MSRA: variants seen among roughly 807,000 people sequenced by gnomAD.
MSRA encodes the protein mitochondrial peptide methionine sulfoxide reductase.
Under a neutral mutation model 31.3 loss-of-function variants are expected in MSRA, and 54 were observed. That is an observed-to-expected ratio of 1.73 (90% CI 1.39 to 2.17). MSRA has a LOEUF of 2.17. Ranked by LOEUF, MSRA falls within the 30% of genes most tolerant of loss-of-function variation. The pLI is 0.00. For synonymous variants in MSRA, 169 were observed against 116.5 expected, an observed-to-expected ratio of 1.45 and a Z score of -2.90; for missense variants, 507 against 300.9, an observed-to-expected ratio of 1.69 and a Z score of -5.07.
chr8:10,321,542 C>T (rs1802043163), intron 5 of MSRA, among the ~76,000 whole-genome samples: 2 of 152,164 alleles, frequency 1.3e-5, no homozygotes, highest in Non-Finnish European at 2.9e-5. Flanking sequence ...GGATGGCCCC[C>T]AGTGCTCTCT....
intron 1 of MSRA, chr8:10,058,867 G>A (rs2128911066): frequency 6.6e-6 from 1 of 152,270 alleles, no homozygotes; most frequent in African/African-American, 2.4e-5. Flanking sequence ...TCTAGTCGTT[G>A]ATTTATACTT....
At chr8:10,386,107 C>T (rs1806375845) in intron 5 of MSRA, among the ~76,000 whole-genome samples, 1 of 152,158 alleles carries the variant, frequency 6.6e-6, no homozygotes, top group Non-Finnish European at 1.5e-5. Context: ...TGCCTGTGTG[C>T]CATTGCCTGC....
chr8:10,131,605 A>G (rs1429046352), intron 1 of MSRA, among the ~76,000 whole-genome samples: 1 of 152,238 alleles, frequency 6.6e-6, no homozygotes, highest in East Asian at 1.9e-4. Context: ...TAGTATTCAC[A>G]CATTGATGGG....
chr8:10,412,646 C>G (rs1024903075), intron 5 of MSRA, among the ~76,000 whole-genome samples: 24 of 152,176 alleles, frequency 1.6e-4, no homozygotes, highest in African/African-American at 5.6e-4. Flanking sequence ...TTAGAACAGA[C>G]ACTTCACCAA....
intron 5 of MSRA, among the ~76,000 whole-genome samples, chr8:10,401,453 G>A (rs181665906): frequency 7.2e-5 from 11 of 152,294 alleles, no homozygotes; most frequent in Admixed American, 7.2e-4. Flanking sequence ...GAACCCTTGT[G>A]CATTGCTACT....
intron 3 of MSRA, chr8:10,250,963 G>A (rs894150105): frequency 6.5e-6 from 1 of 152,910 alleles, no homozygotes; most frequent in African/African-American, 2.4e-5. Context: ...CTAGCTCTTG[G>A]GCTCGTTAAA....
At chr8:10,219,044 G>A (rs1359856179) in intron 2 of MSRA, among the ~76,000 whole-genome samples, 1 of 152,186 alleles carries the variant, frequency 6.6e-6, no homozygotes, top group Non-Finnish European at 1.5e-5. Flanking sequence ...CTGACCCTCA[G>A]TAGCTCAGGT....
At chr8:10,212,486 T>C (rs953069165) in intron 2 of MSRA, among the ~76,000 whole-genome samples, 2 of 152,172 alleles carry the variant, frequency 1.3e-5, no homozygotes, top group African/African-American at 4.8e-5. Flanking sequence ...ATAGATTGGA[T>C]TGTATATAAT....
chr8:10,427,537 C>T (rs977724013), intron 5 of MSRA, among the ~76,000 whole-genome samples: 4 of 152,230 alleles, frequency 2.6e-5, no homozygotes, highest in Admixed American at 6.5e-5. Context: ...CCCAAGCGAC[C>T]GCCTGCTCAC....
At chr8:10,267,372 G>A (rs898332968) in intron 3 of MSRA, among the ~76,000 whole-genome samples, 5 of 152,166 alleles carry the variant, frequency 3.3e-5, no homozygotes, top group African/African-American at 1.2e-4. Context: ...ACTCGTGGAG[G>A]GAAGGAGTTG....
intron 3 of MSRA, among the ~76,000 whole-genome samples, chr8:10,282,665 A>G (rs1339458826): frequency 1.3e-5 from 2 of 152,236 alleles, no homozygotes; most frequent in African/African-American, 4.8e-5. Flanking sequence ...AGCATAAAGC[A>G]GGAAGAGTGG....
At chr8:10,377,375 T>C (rs962258022) in intron 5 of MSRA, among the ~76,000 whole-genome samples, 1 of 152,354 alleles carries the variant, frequency 6.6e-6, no homozygotes, top group African/African-American at 2.4e-5. Flanking sequence ...AGAACCAGAT[T>C]CTCTGATATT....
chr8:10,137,645 G>C (rs1214044449), intron 1 of MSRA, among the ~76,000 whole-genome samples: 1 of 152,210 alleles, frequency 6.6e-6, no homozygotes, highest in African/African-American at 2.4e-5. Context: ...CTTGTCTAAA[G>C]TGGGAGACCC....
intron 5 of MSRA, among the ~76,000 whole-genome samples, chr8:10,416,570 G>A (rs558076223): frequency 6.6e-6 from 1 of 152,194 alleles, no homozygotes; most frequent in South Asian, 2.1e-4. Flanking sequence ...TATAGCGTCT[G>A]CCTGGAGACC....
At chr8:10,226,048 T>A (rs1385767781) in intron 2 of MSRA, among the ~76,000 whole-genome samples, 1 of 152,238 alleles carries the variant, frequency 6.6e-6, no homozygotes, top group Non-Finnish European at 1.5e-5. Flanking sequence ...AAGTTATTTC[T>A]TAGCCTCTGG....
At chr8:10,241,297 C>T (rs1335512753) in intron 2 of MSRA, among the ~76,000 whole-genome samples, 3 of 152,068 alleles carry the variant, frequency 2.0e-5, no homozygotes, top group Non-Finnish European at 2.9e-5. Context: ...CCTGTCAAAC[C>T]AGAGAGCAAA....
intron 3 of MSRA, among the ~76,000 whole-genome samples, chr8:10,283,129 T>TACACACACACAC (rs66507479): frequency 4.2e-4 from 58 of 138,558 alleles, no homozygotes; most frequent in African/African-American, 8.7e-4. Context: ...ATATTCACAT[T>TACACACACACAC]ACACACACAC....
At chr8:10,400,704 C>T (rs1042113270) in intron 5 of MSRA, among the ~76,000 whole-genome samples, 1 of 152,144 alleles carries the variant, frequency 6.6e-6, no homozygotes, top group Admixed American at 6.5e-5. Flanking sequence ...AGGCTGAACC[C>T]TCACATCTGT....
intron 4 of MSRA, among the ~76,000 whole-genome samples, chr8:10,318,086 T>C (rs1458070735): frequency 1.3e-5 from 2 of 152,164 alleles, no homozygotes; most frequent in African/African-American, 4.8e-5. Flanking sequence ...GTACCCTACA[T>C]CCAGAAGCAC....
Sources: gnomAD v4.1 joint callset for allele counts (sites outside exome capture counted in the v4.1 genomes callset) on GRCh38, gnomAD v4.1.1 for gene constraint, MANE v1.5 for transcripts, NCBI Gene and HGNC (gene_info 2026-07-23, HGNC 2026-07-21) for gene names.